Variants in PDZD2 observed in about 807,000 individuals in gnomAD.
PDZD2 encodes the protein PDZ domain containing 2.
A neutral mutation model predicts 220.7 loss-of-function variants in PDZD2; 90 were observed. The observed-to-expected ratio is 0.41, with a 90% CI of 0.34 to 0.49. PDZD2 has a LOEUF of 0.49. PDZD2 is among the 20% of genes least tolerant of loss of function. The pLI is 0.28. For missense variants in PDZD2, 3,174 were observed against 3,608.5 expected, an observed-to-expected ratio of 0.88 and a Z score of 3.08; for synonymous variants, 1,375 against 1,450.5, an observed-to-expected ratio of 0.95 and a Z score of 1.18.
chr5:32,090,468 G>A lies in PDZD2; in HGVS notation c.7020G>A (p.Lys2340=), dbSNP rs1743004763. The A allele has an allele frequency of 6.2e-7, 1 of 1,613,970 alleles. No homozygotes were observed. The highest frequency in any genetic ancestry group is 1.3e-5 in the African/African-American group (1 of 74,940). The change falls in exon 20 of 25, where the codon AAG becomes AAA. Residue 2340 remains lysine (K), a synonymous_variant. Coordinates refer to ENST00000438447, the MANE Select transcript of PDZD2 (RefSeq NM_178140.4). This position sits in a 1 kb window ranked among gnomAD's most constrained non-coding sequence, Gnocchi z 4.3. ...TTTTCTCTGTGAAGCAGCGGATCAA[G>A]TCTTTTGAGAACCTGGCCAATGCTG... ...TSFFSVKQRI[K]SFENLANADR...
intron 2 of PDZD2, among the ~76,000 whole-genome samples, chr5:31,881,215 C>T (rs1216672603): frequency 6.6e-6 from 1 of 151,924 alleles, no homozygotes; most frequent in Non-Finnish European, 1.5e-5. Context: ...CTAAGACCTA[C>T]ATCTAATAGT....
intron 2 of PDZD2, among the ~76,000 whole-genome samples, chr5:31,893,137 G>A (rs868568819): frequency 1.8e-4 from 28 of 152,154 alleles, no homozygotes; most frequent in Admixed American, 7.9e-4. Flanking sequence ...AGGACCTTTC[G>A]CCCTTGCCCT....
At position 32,088,527 on chromosome 5, in the gene PDZD2, A is replaced by T. The variant is rs1304740629; in HGVS notation, c.5079A>T (p.Ala1693=). ...CACAGAACCACAGGCCCTCGTGTGC[A>T]GAAGAAACCACAGAAGTCACCAGCG... ...STSQNHRPSC[A]EETTEVTSAS... The change falls in exon 20 of 25, where the codon GCA becomes GCT. Residue 1693 remains alanine (A), a synonymous_variant. Coordinates refer to ENST00000438447, the MANE Select transcript of PDZD2 (RefSeq NM_178140.4). This position sits in a 1 kb window ranked among gnomAD's most constrained non-coding sequence, Gnocchi z 4.6. 2.5e-6 allele frequency: 4 copies of T among 1,614,044 alleles called. No individual in the cohort carries two copies. The highest frequency in any genetic ancestry group is 3.4e-6 in the Non-Finnish European group (4 of 1,179,996).
chr5:31,886,051 C>T (rs187636174), intron 2 of PDZD2, among the ~76,000 whole-genome samples: 2 of 152,162 alleles, frequency 1.3e-5, no homozygotes, highest in African/African-American at 2.4e-5. Context: ...AGGCACCCAC[C>T]ACCACACCTG....
intron 1 of PDZD2, among the ~76,000 whole-genome samples, chr5:31,676,698 G>A (rs1746440626): frequency 6.6e-6 from 1 of 151,562 alleles, no homozygotes; most frequent in Non-Finnish European, 1.5e-5. Context: ...GGGATTACAG[G>A]CATCCACCAC....
chr5:31,969,636 G>A (rs1039481646), intron 2 of PDZD2, among the ~76,000 whole-genome samples: 1 of 151,704 alleles, frequency 6.6e-6, no homozygotes, highest in South Asian at 2.1e-4. Flanking sequence ...CTGTGAAGTG[G>A]GCATGAGGGA....
intron 1 of PDZD2, among the ~76,000 whole-genome samples, chr5:31,796,411 T>G (rs1428311192): frequency 6.6e-6 from 1 of 152,074 alleles, no homozygotes; most frequent in African/African-American, 2.4e-5. Flanking sequence ...CCGATCAACT[T>G]CTCTATTTCT....
At chr5:31,883,023 CAAAAAAAAAAAAAA>C (rs781370177) in intron 2 of PDZD2, among the ~76,000 whole-genome samples, 1 of 47,950 alleles carries the variant, frequency 2.1e-5, no homozygotes, top group Non-Finnish European at 3.6e-5. Context: ...GACTCTGTCT[CAAAAAAAAAAAAAA>C]AAAAAAAAAA....
At chr5:31,783,614 A>C (rs1451320816) in intron 1 of PDZD2, among the ~76,000 whole-genome samples, 1 of 152,172 alleles carries the variant, frequency 6.6e-6, no homozygotes. Flanking sequence ...GAAATGCTTC[A>C]GTGGAACCTG....
At chr5:32,001,362 C>T (rs962210595) in intron 5 of PDZD2, among the ~76,000 whole-genome samples, 9 of 152,210 alleles carry the variant, frequency 5.9e-5, no homozygotes, top group African/African-American at 2.2e-4. Flanking sequence ...GGCTTCTGCT[C>T]TCACTTGTGG....
chr5:31,867,015 T>A (rs1738287419), intron 2 of PDZD2, among the ~76,000 whole-genome samples: 1 of 152,152 alleles, frequency 6.6e-6, no homozygotes, highest in South Asian at 2.1e-4. Context: ...GCACAGTAAA[T>A]GCCGTGGATG....
chr5:31,955,331 T>C (rs996966229), intron 2 of PDZD2, among the ~76,000 whole-genome samples: 11 of 151,900 alleles, frequency 7.2e-5, no homozygotes, highest in African/African-American at 2.4e-4. Flanking sequence ...GACGAAGTCT[T>C]GCTCTGTCTC....
chr5:31,738,630 A>G (rs1750050886), intron 1 of PDZD2: 2 of 152,164 alleles, frequency 1.3e-5, no homozygotes, highest in South Asian at 2.1e-4. Flanking sequence ...ACAACAGCCC[A>G]CTCACCAGAG....
At chr5:32,026,267 G>A (rs1488910853) in intron 6 of PDZD2, among the ~76,000 whole-genome samples, 3 of 152,068 alleles carry the variant, frequency 2.0e-5, no homozygotes, top group Non-Finnish European at 2.9e-5. Context: ...CTCCCAAGTA[G>A]CTGAGACTAC....
chr5:32,026,687 T>G (rs1172349990), intron 6 of PDZD2, among the ~76,000 whole-genome samples: 1 of 152,196 alleles, frequency 6.6e-6, no homozygotes, highest in Non-Finnish European at 1.5e-5. Context: ...AGGGTCTACC[T>G]TGAGTAGCCA....
chr5:31,815,454 T>C (rs1419823229), intron 2 of PDZD2, among the ~76,000 whole-genome samples: 1 of 152,114 alleles, frequency 6.6e-6, no homozygotes, highest in African/African-American at 2.4e-5. Flanking sequence ...TGGAATAAAA[T>C]GCTTCAATTT....
chr5:32,032,512 G>C (rs1346613567), intron 6 of PDZD2, among the ~76,000 whole-genome samples: 1 of 152,150 alleles, frequency 6.6e-6, no homozygotes, highest in Non-Finnish European at 1.5e-5. Flanking sequence ...CTGTGTGAAC[G>C]TTCAGCCTTC....
intron 2 of PDZD2, among the ~76,000 whole-genome samples, chr5:31,850,555 G>C (rs10057651): frequency 0.05 from 7,490 of 150,530 alleles, 621 homozygotes; most frequent in African/African-American, 0.17. Flanking sequence ...ATTGCACAGT[G>C]TTATCAGATG....
At chr5:31,917,061 A>G (rs1432186947) in intron 2 of PDZD2, among the ~76,000 whole-genome samples, 1 of 152,156 alleles carries the variant, frequency 6.6e-6, no homozygotes, top group Non-Finnish European at 1.5e-5. Context: ...CTTGCCACAC[A>G]AGATGGAGGA....
Sources: allele counts gnomAD v4.1 joint callset (sites outside exome capture counted in the v4.1 genomes callset), GRCh38; gene constraint gnomAD v4.1.1; non-coding constraint Gnocchi (gnomAD v3.1); transcripts MANE v1.5; gene names NCBI Gene and HGNC (gene_info 2026-07-23, HGNC 2026-07-21).